Variants in TTBK2 observed in about 807,000 individuals in gnomAD.
TTBK2 encodes the protein tau-tubulin kinase 2.
A neutral mutation model predicts 110.8 loss-of-function variants in TTBK2; 28 were observed. The observed-to-expected ratio is 0.25, with a 90% CI of 0.19 to 0.35. TTBK2 has a LOEUF of 0.35. Ranked by LOEUF, TTBK2 falls within the 10% of genes least tolerant of loss-of-function variation. The pLI is 1.00. For missense variants in TTBK2, 1,369 were observed against 1,500.3 expected, an observed-to-expected ratio of 0.91 and a Z score of 1.45; for synonymous variants, 532 against 527.3, an observed-to-expected ratio of 1.01 and a Z score of -0.12.
chr15:42,909,926 G>T (rs923226950), intron 1 of TTBK2, among the ~76,000 whole-genome samples: 4 of 152,088 alleles, frequency 2.6e-5, no homozygotes, highest in African/African-American at 9.7e-5. Flanking sequence ...TACTAGGGAG[G>T]CTGAGGATCA....
intron 13 of TTBK2, among the ~76,000 whole-genome samples, chr15:42,756,448 T>G (rs1337732745): frequency 6.6e-6 from 1 of 151,034 alleles, no homozygotes; most frequent in African/African-American, 2.4e-5. Context: ...TAGCTGGGGG[T>G]GATGGCGGGT....
At chr15:42,917,577 A>T (rs1413729477) in intron 1 of TTBK2, among the ~76,000 whole-genome samples, 1 of 151,144 alleles carries the variant, frequency 6.6e-6, no homozygotes, top group Non-Finnish European at 1.5e-5. Context: ...AATATGTACG[A>T]TATTTAACTT....
At chr15:42,868,835 T>A (rs1894492271) in intron 3 of TTBK2, among the ~76,000 whole-genome samples, 1 of 151,594 alleles carries the variant, frequency 6.6e-6, no homozygotes, top group South Asian at 2.1e-4. Context: ...CACTACAGCC[T>A]GGACGACAGA....
rs766162513 is a variant in TTBK2 at position 42,857,062 on chromosome 15, C to CAA, written c.217+15547_217+15548dup. On this transcript the variant is annotated intron_variant, in intron 3 of 14. Coordinates refer to ENST00000267890, the MANE Select transcript of TTBK2 (RefSeq NM_173500.4). ...GGCAACAGAGTTAGACTCTGTCTCA[C>CAA]AAAAAAAAAAAAAAATCTATCAATA... Among the ~76,000 whole-genome samples the CAA allele has an allele frequency of 5.5e-3, 599 of 108,930 alleles. 7 individuals are homozygous for CAA. Among genetic ancestry groups the CAA allele is most frequent in the African/African-American group, 0.017 (521 of 31,540 alleles). 71.5% of individuals were successfully genotyped at this position (108,930 alleles called of 152,430 possible). A position where few individuals can be genotyped will look rare whatever the true frequency, so the allele number is the denominator to read the frequency against.
chr15:42,892,484 A>C (rs1263399531), intron 1 of TTBK2, among the ~76,000 whole-genome samples: 1 of 151,826 alleles, frequency 6.6e-6, no homozygotes, highest in Non-Finnish European at 1.5e-5. Flanking sequence ...AGGCAGGTGG[A>C]TTGATTGAGC....
chr15:42,763,162 A>G (rs1353893794), intron 13 of TTBK2, among the ~76,000 whole-genome samples: 4 of 10,610 alleles, frequency 3.8e-4, no homozygotes, highest in African/African-American at 1.5e-3. Flanking sequence ...ATATACATAT[A>G]TATATATATA....
rs185385516 is a variant in TTBK2, at chr15:42,785,783, T to G, written c.981-2148A>C. 3.5e-3 allele frequency among the ~76,000 whole-genome samples: 526 copies of G among 152,062 alleles called. 2 individuals are homozygous for G. The highest frequency in any genetic ancestry group is 6.0e-3 in the Non-Finnish European group (411 of 67,980). ...AAATATTGCTGACTGAACACAATACTTAGCACACAATGAAACCTCCTCTTA... is the reference window on the plus strand; with the variant it reads ...AAATATTGCTGACTGAACACAATACGTAGCACACAATGAAACCTCCTCTTA... On this transcript the variant is annotated intron_variant, in intron 10 of 14. Transcript: ENST00000267890.
intron 13 of TTBK2, among the ~76,000 whole-genome samples, chr15:42,770,332 A>T (rs1414073884): frequency 6.6e-6 from 1 of 152,034 alleles, no homozygotes; most frequent in Non-Finnish European, 1.5e-5. Context: ...TAACACTTAA[A>T]CTGTTTCTTT....
intron 7 of TTBK2, among the ~76,000 whole-genome samples, chr15:42,816,656 T>C (rs747413080): frequency 7.2e-5 from 11 of 152,096 alleles, no homozygotes; most frequent in Non-Finnish European, 1.3e-4. Context: ...CTTTGTACTT[T>C]GTAAAGAAGT....
At chr15:42,802,476 A>G (rs1891266081) in intron 9 of TTBK2, 9 of 624,238 alleles carry the variant, frequency 1.4e-5, no homozygotes, top group Non-Finnish European at 2.3e-5. Flanking sequence ...TGGTCTGCAC[A>G]CAGTCTTTAC....
At chr15:42,756,962 T>G (rs1267039348) in intron 13 of TTBK2, among the ~76,000 whole-genome samples, 1 of 152,170 alleles carries the variant, frequency 6.6e-6, no homozygotes, top group Non-Finnish European at 1.5e-5. Flanking sequence ...TTGAAAAGAT[T>G]CTGAGCAATT....
intron 3 of TTBK2, among the ~76,000 whole-genome samples, chr15:42,871,048 T>C (rs746222513): frequency 3.9e-5 from 6 of 152,040 alleles, no homozygotes; most frequent in Non-Finnish European, 7.4e-5. Flanking sequence ...AAAAATGTTA[T>C]CAGAACGGTC....
At position 42,781,731 on chromosome 15, in the gene TTBK2, T is replaced by C. The variant is rs538153546; in HGVS notation, c.1197+1688A>G. Among the ~76,000 whole-genome samples the C allele has an allele frequency of 6.6e-5, 10 of 152,294 alleles. No individual in the cohort carries two copies. In the East Asian group the frequency reaches 1.9e-3, roughly 29 times the overall value. The stretch of plus-strand genomic sequence containing the variant: ...ACTGATTACTAGATTAACTCCAATA[T>C]TTTTAGAGAACATAGTATGTGTGAT... On this transcript the variant is annotated intron_variant, in intron 11 of 14. Coordinates refer to ENST00000267890, the MANE Select transcript of TTBK2 (RefSeq NM_173500.4).
intron 13 of TTBK2, among the ~76,000 whole-genome samples, chr15:42,754,630 T>C (rs895530943): frequency 1.4e-5 from 2 of 145,934 alleles, no homozygotes; most frequent in Non-Finnish European, 1.5e-5. Flanking sequence ...CTCCCGACCT[T>C]AGGTGATCCA....
At chr15:42,831,755 A>G (rs900449822) in intron 4 of TTBK2, among the ~76,000 whole-genome samples, 1 of 152,138 alleles carries the variant, frequency 6.6e-6, no homozygotes, top group Non-Finnish European at 1.5e-5. Flanking sequence ...ACAAACCAGT[A>G]ATCTGAAAAG....
At chr15:42,771,180 G>A (rs1230026437) in intron 13 of TTBK2, among the ~76,000 whole-genome samples, 2 of 151,788 alleles carry the variant, frequency 1.3e-5, no homozygotes, top group Non-Finnish European at 2.9e-5. Flanking sequence ...TCACTATCTT[G>A]GCCAGGCTGG....
At chr15:42,774,268 T>C (rs896691154) in intron 13 of TTBK2, among the ~76,000 whole-genome samples, 1 of 152,178 alleles carries the variant, frequency 6.6e-6, no homozygotes, top group African/African-American at 2.4e-5. Flanking sequence ...TAAGGAAACC[T>C]GGTAGCTCTC....
chr15:42,812,214 A>C (rs575562844), intron 7 of TTBK2, among the ~76,000 whole-genome samples: 2 of 152,300 alleles, frequency 1.3e-5, no homozygotes, highest in Admixed American at 6.5e-5. Context: ...TACATAGGAC[A>C]TGAGTTGTAA....
intron 1 of TTBK2, among the ~76,000 whole-genome samples, chr15:42,883,226 A>G (rs1398652179): frequency 6.6e-6 from 1 of 151,994 alleles, no homozygotes; most frequent in Non-Finnish European, 1.5e-5. Flanking sequence ...TTCTAAAAAT[A>G]CAAAATTAGC....
Sources: gnomAD v4.1 joint callset for allele counts (sites outside exome capture counted in the v4.1 genomes callset) on GRCh38, gnomAD v4.1.1 for gene constraint, MANE v1.5 for transcripts, NCBI Gene and HGNC (gene_info 2026-07-23, HGNC 2026-07-21) for gene names.